IMPA2: variants seen among roughly 807,000 people sequenced by gnomAD.
The protein encoded by IMPA2 is inositol monophosphatase 2, also known as IMP 2.
Under a neutral mutation model 35.1 loss-of-function variants are expected in IMPA2, and 32 were observed. The ratio of observed to expected loss-of-function variants is 0.91; its 90% CI spans 0.69 to 1.23. The LOEUF is 1.23. Among genes scored for constraint, IMPA2 ranks in the 50% most tolerant of loss-of-function variants. IMPA2 has a pLI of 0.00. For missense variants in IMPA2, 334 were observed against 387.6 expected (o/e 0.86, Z 1.16); for synonymous variants, 135 against 160.6 (o/e 0.84, Z 1.20).
At chr18:11,993,439 C>T (rs1906870659) in intron 1 of IMPA2, among the ~76,000 whole-genome samples, 1 of 152,184 alleles carries the variant, frequency 6.6e-6, no homozygotes, top group Admixed American at 6.5e-5. Flanking sequence ...GCGCAGCCCC[C>T]ATGTGTGCAA....
chr18:12,025,836 C>T (rs1325616886), intron 5 of IMPA2, among the ~76,000 whole-genome samples: 7 of 151,398 alleles, frequency 4.6e-5, no homozygotes, highest in Middle Eastern at 3.6e-3. Flanking sequence ...TCCCAAAGTG[C>T]TGGGATTACA....
At position 12,019,560 on chromosome 18, in the gene IMPA2, G is replaced by A. The variant is rs139325350; in HGVS notation, c.490+5187G>A. 5.9e-4 allele frequency among the ~76,000 whole-genome samples: 89 copies of A among 151,840 alleles called. 1 individual carries two copies. Among genetic ancestry groups the A allele is most frequent in the African/African-American group, 1.9e-3 (77 of 41,394 alleles). On this transcript the variant is annotated intron_variant, in intron 5 of 7. Coordinates refer to ENST00000269159, the MANE Select transcript of IMPA2 (RefSeq NM_014214.3). ...TGTAATTACAGGTGTGAGCCACCGC[G>A]CCTGGCCAAGTAGAGATTTCTTAAA...
At chr18:11,998,841 C>A (rs1435634186) in intron 1 of IMPA2, among the ~76,000 whole-genome samples, 1 of 146,142 alleles carries the variant, frequency 6.8e-6, no homozygotes, top group Non-Finnish European at 1.5e-5. Context: ...TCACTAGAAA[C>A]CCAGAGAGCC....
chr18:12,025,509 T>C (rs1310214643), intron 5 of IMPA2, among the ~76,000 whole-genome samples: 1 of 152,244 alleles, frequency 6.6e-6, no homozygotes, highest in Non-Finnish European at 1.5e-5. Flanking sequence ...CGAGTTCCTG[T>C]TGCTCCACAT....
At chr18:11,983,675 G>A (rs1193244314) in intron 1 of IMPA2, among the ~76,000 whole-genome samples, 2 of 152,028 alleles carry the variant, frequency 1.3e-5, no homozygotes, top group Non-Finnish European at 2.9e-5. Flanking sequence ...GCTGCCATTA[G>A]GAGTCCGGTC....
intron 2 of IMPA2, among the ~76,000 whole-genome samples, chr18:12,009,059 C>T (rs1328878014): frequency 5.9e-5 from 9 of 152,194 alleles, no homozygotes. Context: ...CCCTTGCTTG[C>T]TCCCAGAGGG....
chr18:12,018,691 A>T (rs1907648215), intron 5 of IMPA2, among the ~76,000 whole-genome samples: 1 of 152,198 alleles, frequency 6.6e-6, no homozygotes. Context: ...AAAATAAGAA[A>T]GCTTTAGTGA....
At chr18:11,992,083 A>G (rs538480784) in intron 1 of IMPA2, among the ~76,000 whole-genome samples, 1 of 152,216 alleles carries the variant, frequency 6.6e-6, no homozygotes, top group Admixed American at 6.5e-5. Flanking sequence ...ACTTCAGGTG[A>G]TCTGCCTGCC....
At chr18:12,027,567 A>ATTT (rs138876745) in intron 5 of IMPA2, among the ~76,000 whole-genome samples, 14,508 of 90,832 alleles carry the variant, frequency 0.16, 3,304 homozygotes, top group African/African-American at 0.5. Context: ...AATGATGGTG[A>ATTT]TTTTTTTTTT....
At chr18:11,982,300 G>T (rs2143768160) in intron 1 of IMPA2, among the ~76,000 whole-genome samples, 1 of 152,352 alleles carries the variant, frequency 6.6e-6, no homozygotes, top group Admixed American at 6.5e-5. Context: ...GATGAAAACC[G>T]AGCCGCAGAG....
rs148072906 is a variant in IMPA2, at chr18:12,029,792, A to C, written c.752-551A>C. On this transcript the variant is annotated intron_variant, in intron 7 of 7. Transcript: ENST00000269159. Reference sequence around the variant, plus strand: ...AGCACCTGAAGGCTCACGTATGTGCAAGCAGGTCTCCAGCCCATGCATCCA... The same window carrying C: ...AGCACCTGAAGGCTCACGTATGTGCCAGCAGGTCTCCAGCCCATGCATCCA... Among the ~76,000 whole-genome samples, 320 of 152,324 alleles carry C rather than the reference A, an allele frequency of 2.1e-3. 1 individual carries two copies. Among genetic ancestry groups the C allele is most frequent in the African/African-American group, 7.3e-3 (304 of 41,576 alleles).
intron 1 of IMPA2, among the ~76,000 whole-genome samples, chr18:11,987,205 A>C (rs1906691475): frequency 6.6e-6 from 1 of 152,234 alleles, no homozygotes; most frequent in Non-Finnish European, 1.5e-5. Flanking sequence ...TGGGCACCAG[A>C]ATACGCATTT....
chr18:12,027,002 T>C (rs1361164454), intron 5 of IMPA2, among the ~76,000 whole-genome samples: 4 of 152,216 alleles, frequency 2.6e-5, no homozygotes, highest in Non-Finnish European at 5.9e-5. Context: ...TGGACCTGGA[T>C]TCTGGCTGAG....
chr18:11,995,459 G>A (rs905965078), intron 1 of IMPA2, among the ~76,000 whole-genome samples: 1 of 152,262 alleles, frequency 6.6e-6, no homozygotes, highest in African/African-American at 2.4e-5. Flanking sequence ...CCAACTTGGA[G>A]GTTCTGTTCC....
chr18:12,030,057 A>C (rs1908003147), intron 7 of IMPA2, among the ~76,000 whole-genome samples: 1 of 152,184 alleles, frequency 6.6e-6, no homozygotes, highest in Admixed American at 6.5e-5. Flanking sequence ...TGCATTTCTT[A>C]GGACTTTTAT....
intron 4 of IMPA2, among the ~76,000 whole-genome samples, chr18:12,013,833 C>G (rs991647166): frequency 1.3e-5 from 2 of 152,156 alleles, no homozygotes; most frequent in African/African-American, 2.4e-5. Context: ...TCTGAGATTC[C>G]GCTGGCTTTA....
intron 1 of IMPA2, among the ~76,000 whole-genome samples, chr18:11,996,967 C>G (rs1906976332): frequency 6.6e-6 from 1 of 151,718 alleles, no homozygotes; most frequent in Non-Finnish European, 1.5e-5. Context: ...GATAGACATA[C>G]AGACACACCC....
chr18:12,007,670 T>TCTTTCTTTCTTTCCTTTCTTTC (rs764225886), intron 2 of IMPA2, among the ~76,000 whole-genome samples: 3 of 97,922 alleles, frequency 3.1e-5, no homozygotes, highest in African/African-American at 1.0e-4. Flanking sequence ...TTTCTTTCTT[T>TCTTTCTTTCTTTCCTTTCTTTC]CTTTCTTTCC....
At chr18:12,024,454 A>AG in intron 5 of IMPA2, among the ~76,000 whole-genome samples, 1 of 152,268 alleles carries the variant, frequency 6.6e-6, no homozygotes, top group South Asian at 2.1e-4. Flanking sequence ...ATTGCACTGC[A>AG]GGCTGAGTGA....
Sources: allele counts gnomAD v4.1 joint callset (sites outside exome capture counted in the v4.1 genomes callset), GRCh38; gene constraint gnomAD v4.1.1; transcripts MANE v1.5; gene names NCBI Gene and HGNC (gene_info 2026-07-23, HGNC 2026-07-21).